The following LARGE1 variants were observed in gnomAD, a reference collection of about 807,000 sequenced individuals.
LARGE1 encodes the protein LARGE xylosyl- and glucuronyltransferase 1.
A neutral mutation model predicts 87.6 loss-of-function variants in LARGE1; 43 were observed. The observed-to-expected ratio is 0.49, with a 90% CI of 0.38 to 0.63. The LOEUF (loss-of-function observed/expected upper bound fraction) is 0.63, where lower values mean the gene tolerates loss of function less well. LARGE1 is among the 30% of genes least tolerant of loss of function. The probability of loss-of-function intolerance (pLI) is 0.00; values close to 1 mark genes in which losing one functional copy is unlikely to be tolerated. For synonymous variants in LARGE1, 434 were observed against 394.6 expected, an observed-to-expected ratio of 1.10 and a Z score of -1.18; for missense variants, 802 against 1,000.2, an observed-to-expected ratio of 0.80 and a Z score of 2.67.
intron 1 of LARGE1, among the ~76,000 whole-genome samples, chr22:33,912,305 A>G (rs186172516): frequency 6.6e-6 from 1 of 152,328 alleles, no homozygotes; most frequent in East Asian, 1.9e-4. Context: ...AGGAAGCCGC[A>G]GCAATCCCTA....
At chr22:33,622,230 G>C (rs989829024) in intron 4 of LARGE1, among the ~76,000 whole-genome samples, 3 of 152,130 alleles carry the variant, frequency 2.0e-5, no homozygotes, top group Non-Finnish European at 4.4e-5. Flanking sequence ...CTGAATTATG[G>C]AGGTGGTTTC....
chr22:33,797,962 G>A (rs916316322), intron 1 of LARGE1, among the ~76,000 whole-genome samples: 16 of 152,090 alleles, frequency 1.1e-4, no homozygotes, highest in African/African-American at 3.9e-4. Context: ...AAATGCTATC[G>A]TACCTACACA....
intron 10 of LARGE1, chr22:33,320,750 C>A (rs1569052650): frequency 6.6e-6 from 1 of 152,138 alleles, no homozygotes; most frequent in Non-Finnish European, 1.5e-5. Flanking sequence ...TATTTGCATC[C>A]AAGGGTCTGT....
chr22:33,322,685 G>C (rs958011246), intron 10 of LARGE1: 1 of 152,202 alleles, frequency 6.6e-6, no homozygotes, highest in African/African-American at 2.4e-5. Context: ...TGGAGAAGAG[G>C]CCACCTCCAG....
In LARGE1 at chr22:33,187,753, C is replaced by T. The variant is rs1923554724; in HGVS notation, c.1731-20921G>A. Among the ~76,000 whole-genome samples the T allele has an allele frequency of 4.0e-5, 6 of 151,022 alleles. No homozygotes were observed. In the South Asian group the frequency reaches 1.3e-3, roughly 32 times the overall value. ...CTAACACAGTGAAATCCTGTCTCTA[C>T]GAAACAAAATACAAAAAAAAATTAG... is the stretch of plus-strand genomic sequence containing the variant. On this transcript the variant is annotated intron_variant, in intron 11 of 11. Transcript: ENST00000608642.
chr22:33,887,751 A>G (rs543227423), intron 1 of LARGE1, among the ~76,000 whole-genome samples: 2 of 152,270 alleles, frequency 1.3e-5, no homozygotes, highest in African/African-American at 4.8e-5. Context: ...AGAAAAAAAA[A>G]AAAATCACCC....
intron 10 of LARGE1, among the ~76,000 whole-genome samples, chr22:33,319,622 C>T (rs1262843673): frequency 1.3e-5 from 2 of 152,174 alleles, no homozygotes; most frequent in Non-Finnish European, 2.9e-5. Flanking sequence ...TCTTGAACTC[C>T]TGACCTCAGG....
intron 1 of LARGE1, among the ~76,000 whole-genome samples, chr22:33,796,329 G>A (rs1374625743): frequency 6.6e-6 from 1 of 152,166 alleles, no homozygotes. Context: ...CGCAGCTAGG[G>A]ATTCAGAATA....
rs147389434 is a variant in LARGE1, at chr22:33,178,462, A to T, written c.1731-11630T>A. The stretch of plus-strand genomic sequence containing the variant: ...ACTCAAGTTATGCAGAAGGAGGCTG[A>T]GGCTTAGAATGGACATGAACAGGTT... On this transcript the variant is annotated intron_variant, in intron 11 of 11. Coordinates refer to the LARGE1 transcript ENST00000608642. 1.6e-4 allele frequency among the ~76,000 whole-genome samples: 24 copies of T among 152,320 alleles called. No homozygotes were observed. In the East Asian group the frequency reaches 4.1e-3, roughly 26 times the overall value.
the LARGE1 span, chr22:33,105,729 A>G: frequency 6.6e-6 from 1 of 152,222 alleles, no homozygotes; most frequent in Non-Finnish European, 1.5e-5. Context: ...GTTTATTGCC[A>G]GGAGCTGTAA....
downstream of LARGE1, among the ~76,000 whole-genome samples, chr22:33,268,967 T>C (rs912782328): frequency 1.3e-5 from 2 of 152,234 alleles, no homozygotes; most frequent in African/African-American, 4.8e-5. Context: ...AAATTACATA[T>C]GCATACAGAC....
At chr22:33,166,677 G>A (rs1009645477) in exon 12 of LARGE1, 4 of 462,600 alleles carry the variant, frequency 8.6e-6, no homozygotes, top group African/African-American at 2.0e-5. Flanking sequence ...TGGCTTCAAC[G>A]TTGAGCCGTT....
Position 33,774,482 on chromosome 22 carries a change from G to C in LARGE1, c.-82-12924C>G, listed in dbSNP as rs182580008. Among the ~76,000 whole-genome samples the C allele has an allele frequency of 3.3e-5, 5 of 152,052 alleles. No homozygotes were observed. The East Asian group carries it at 9.7e-4, about 29-fold the overall frequency. The stretch of plus-strand genomic sequence containing the variant: ...AGCAATTCTCCTGACTCAGCCTCCC[G>C]AGTAGCTGGGATTACAGGCACGTGC... On this transcript the variant is annotated intron_variant, in intron 1 of 14. Coordinates refer to ENST00000397394, the MANE Select transcript of LARGE1 (RefSeq NM_133642.5).
At chr22:33,284,456 C>T (rs1187599930) in intron 12 of LARGE1, among the ~76,000 whole-genome samples, 1 of 152,188 alleles carries the variant, frequency 6.6e-6, no homozygotes, top group Non-Finnish European at 1.5e-5. Flanking sequence ...CTCTGCTCCT[C>T]CGAGACCCGA....
intron 6 of LARGE1, among the ~76,000 whole-genome samples, chr22:33,521,148 C>T (rs2071565756): frequency 6.6e-6 from 1 of 152,236 alleles, no homozygotes; most frequent in Non-Finnish European, 1.5e-5. Flanking sequence ...AAAGAGAACA[C>T]AGTGAAGAAA....
chr22:33,912,900 G>A (rs918272134), intron 1 of LARGE1, among the ~76,000 whole-genome samples: 12 of 150,764 alleles, frequency 8.0e-5, no homozygotes, highest in Admixed American at 2.0e-4. Flanking sequence ...CTGTGATCTC[G>A]GCTCACTGTA....
intron 6 of LARGE1, among the ~76,000 whole-genome samples, chr22:33,501,425 C>T (rs995487388): frequency 3.3e-5 from 5 of 151,954 alleles, no homozygotes; most frequent in African/African-American, 9.7e-5. Flanking sequence ...CTTACACCTG[C>T]GATGATCAGT....
the LARGE1 span, among the ~76,000 whole-genome samples, chr22:33,093,186 G>A: frequency 6.6e-6 from 1 of 152,184 alleles, no homozygotes; most frequent in African/African-American, 2.4e-5. Flanking sequence ...AACATCATGG[G>A]CACAGCTCTG....
chr22:33,150,466 G>A, the LARGE1 span, among the ~76,000 whole-genome samples: 11 of 152,180 alleles, frequency 7.2e-5, no homozygotes, highest in East Asian at 3.9e-4. Context: ...GGCCCATCCT[G>A]AAAATTCAGG....
Sources: gnomAD v4.1 joint callset for allele counts (sites outside exome capture counted in the v4.1 genomes callset) on GRCh38, gnomAD v4.1.1 for gene constraint, MANE v1.5 for transcripts, NCBI Gene and HGNC (gene_info 2026-07-23, HGNC 2026-07-21) for gene names.